The following DIS3L2 variants were observed in gnomAD, a reference collection of about 807,000 sequenced individuals.
DIS3L2 encodes the protein DIS3-like exonuclease 2.
DIS3L2 carries 34 observed loss-of-function variants against 97.5 expected under a neutral mutation model. The observed-to-expected ratio is 0.35, with a 90% CI of 0.27 to 0.46. The LOEUF (loss-of-function observed/expected upper bound fraction) is 0.46. DIS3L2 is among the 20% of genes least tolerant of loss of function. DIS3L2 has a pLI of 1.00. For synonymous variants in DIS3L2, 435 were observed against 445.2 expected, an observed-to-expected ratio of 0.98 and a Z score of 0.29; for missense variants, 1,038 against 1,146.0, an observed-to-expected ratio of 0.91 and a Z score of 1.36.
intron 14 of DIS3L2, 28 bp from the exon 15 acceptor site, chr2:232,329,785 T>TCCCGGGGGGAG: frequency 1.0e-6 from 1 of 967,144 alleles, no homozygotes; most frequent in East Asian, 3.1e-5. Flanking sequence ...ACCCCAGCGG[T>TCCCGGGGGGAG]CCCTCCCATC....
At position 232,081,486 on chromosome 2, in the gene DIS3L2, CTT is replaced by C. The variant is rs11314611; in HGVS notation, c.367-5991_367-5990del. Among the ~76,000 whole-genome samples, 513 of 149,290 alleles carry C rather than the reference CTT, an allele frequency of 3.4e-3. 1 individual carries two copies. Among genetic ancestry groups the C allele is most frequent in the Non-Finnish European group, 4.8e-3 (321 of 67,468 alleles). On this transcript the variant is annotated intron_variant, in intron 5 of 20. Transcript: ENST00000325385. ...ATGGCAAAATGGCGATACCGAAAGC[CTT>C]TTTTTTTTTCTTTCTTAATTTAATT...
chr2:232,305,608 A>G (rs1451018748), intron 14 of DIS3L2, among the ~76,000 whole-genome samples: 1 of 152,004 alleles, frequency 6.6e-6, no homozygotes, highest in Non-Finnish European at 1.5e-5. Context: ...TCTTGTGTCT[A>G]TTGACTCACT....
chr2:232,146,367 G>T (rs968408600), intron 8 of DIS3L2, among the ~76,000 whole-genome samples: 2 of 152,188 alleles, frequency 1.3e-5, no homozygotes, highest in Non-Finnish European at 2.9e-5. Flanking sequence ...ATAGTTTGTA[G>T]TAGGATGCTT....
At chr2:231,979,250 T>A (rs1693181245) in intron 1 of DIS3L2, among the ~76,000 whole-genome samples, 1 of 151,996 alleles carries the variant, frequency 6.6e-6, no homozygotes, top group Non-Finnish European at 1.5e-5. Flanking sequence ...TATTTATTTT[T>A]ATTTAATTTA....
intron 11 of DIS3L2, among the ~76,000 whole-genome samples, chr2:232,244,755 A>C (rs992881600): frequency 2.6e-5 from 4 of 152,196 alleles, no homozygotes; most frequent in Non-Finnish European, 5.9e-5. Context: ...AAGATTGGGA[A>C]GGCAGTCAGG....
intron 1 of DIS3L2, among the ~76,000 whole-genome samples, chr2:231,978,023 GT>G (rs1693148803): frequency 6.6e-6 from 1 of 152,168 alleles, no homozygotes; most frequent in Admixed American, 6.5e-5. Context: ...CGAGGTTTTT[GT>G]TAACTCCTAG....
At chr2:232,087,267 G>C (rs560439455) in intron 5 of DIS3L2, among the ~76,000 whole-genome samples, 1 of 152,254 alleles carries the variant, frequency 6.6e-6, no homozygotes, top group South Asian at 2.1e-4. Flanking sequence ...TTAATTTGGG[G>C]CATCCTGAAG....
At position 232,336,657 on chromosome 2, in the gene DIS3L2, CCCCGCCTGCCTGT is replaced by C. The variant is rs767731939; in HGVS notation, c.*34_*46del. ...CTCCACCAGCCGCCTGCCCCGCCTGCCCCGCCTGCCTGTCCCGCCACACTGGCTTTAGGACCTG... is the reference window on the plus strand; with the variant it reads ...CTCCACCAGCCGCCTGCCCCGCCTGCCCCGCCACACTGGCTTTAGGACCTG... On this transcript the variant is annotated 3_prime_UTR_variant, in exon 21 of 21. Coordinates refer to ENST00000325385, the MANE Select transcript of DIS3L2 (RefSeq NM_152383.5). 1.6e-4 allele frequency: 244 copies of C among 1,553,552 alleles called. No homozygotes were observed. The highest frequency in any genetic ancestry group is 2.0e-4 in the Non-Finnish European group (233 of 1,153,338).
At chr2:232,217,830 A>G (rs2106227696) in intron 10 of DIS3L2, among the ~76,000 whole-genome samples, 1 of 152,220 alleles carries the variant, frequency 6.6e-6, no homozygotes, top group East Asian at 1.9e-4. Context: ...ACCCTGTCCT[A>G]TTGGGCCTTT....
At chr2:231,966,450 GTGAGCCAC>G (rs1392200376) in intron 1 of DIS3L2, among the ~76,000 whole-genome samples, 1 of 150,742 alleles carries the variant, frequency 6.6e-6, no homozygotes, top group African/African-American at 2.4e-5. Context: ...GATTACAGAC[GTGAGCCAC>G]TGAGCCACTG....
intron 14 of DIS3L2, among the ~76,000 whole-genome samples, chr2:232,327,674 TGTGG>T (rs1311006029): frequency 1.3e-5 from 2 of 152,218 alleles, no homozygotes; most frequent in African/African-American, 2.4e-5. Context: ...TCAGTGTTCA[TGTGG>T]GGGACTGCAG....
intron 11 of DIS3L2, 89 bp downstream of exon 11, chr2:232,238,734 C>G: frequency 8.2e-7 from 1 of 1,217,366 alleles, no homozygotes. Flanking sequence ...ATTACATGTT[C>G]TCCGGAAAGA....
chr2:232,065,838 A>G (rs1435149697), intron 5 of DIS3L2, among the ~76,000 whole-genome samples: 1 of 151,848 alleles, frequency 6.6e-6, no homozygotes, highest in Non-Finnish European at 1.5e-5. Context: ...ATTTCTTTTG[A>G]CAGGATTTTG....
chr2:232,001,372 G>A (rs1294050427), intron 1 of DIS3L2, among the ~76,000 whole-genome samples: 1 of 151,958 alleles, frequency 6.6e-6, no homozygotes, highest in Non-Finnish European at 1.5e-5. Context: ...GTCTACCTAG[G>A]TCCTTTTCCC....
intron 6 of DIS3L2, among the ~76,000 whole-genome samples, chr2:232,102,406 A>G (rs976957453): frequency 1.3e-5 from 2 of 152,200 alleles, no homozygotes; most frequent in African/African-American, 4.8e-5. Context: ...ATTAGGTGAC[A>G]TTTTGGAATT....
At chr2:232,316,126 G>A (rs998065695) in intron 14 of DIS3L2, among the ~76,000 whole-genome samples, 8 of 152,114 alleles carry the variant, frequency 5.3e-5, no homozygotes, top group African/African-American at 9.7e-5. Flanking sequence ...CTGTGTGTTC[G>A]CGAGCCCTGG....
Position 232,312,829 on chromosome 2 carries a change from T to C in DIS3L2, c.1739+12710T>C, listed in dbSNP as rs373636589. 2.6e-5 allele frequency among the ~76,000 whole-genome samples: 4 copies of C among 152,376 alleles called. No individual in the cohort carries two copies. In the East Asian group the frequency reaches 7.7e-4, roughly 29 times the overall value. ...TTCATTGGATTTACTCCTAGGTATTTGATTTGTGGTACTATTTTAAATGGT... is the reference window on the plus strand; with the variant it reads ...TTCATTGGATTTACTCCTAGGTATTCGATTTGTGGTACTATTTTAAATGGT... On this transcript the variant is annotated intron_variant, in intron 14 of 20. Transcript: ENST00000325385.
rs757033831 is a variant in DIS3L2, at chr2:232,087,666, A to G, written c.546A>G (p.Thr182=). 1.2e-6 allele frequency: 2 copies of G among 1,614,222 alleles called. No homozygotes were observed. The highest frequency in any genetic ancestry group is 1.7e-6 in the Non-Finnish European group (2 of 1,180,048). ...GSDSEDGHGI[T]QNVLVDGVKK... ...ACTCAGAAGATGGACATGGCATCAC[A>G]CAAAATGTGCTGGTTGATGGTGTTA... Residue 182 remains threonine (T), a synonymous_variant, in exon 6 of 21, where the codon ACA becomes ACG. Transcript: ENST00000325385.
intron 8 of DIS3L2, among the ~76,000 whole-genome samples, chr2:232,159,689 G>A (rs1421610000): frequency 6.6e-6 from 1 of 152,122 alleles, no homozygotes; most frequent in East Asian, 1.9e-4. Context: ...TGAACACTTT[G>A]TCTTCTTTCT....
Sources: allele counts gnomAD v4.1 joint callset (sites outside exome capture counted in the v4.1 genomes callset), GRCh38; gene constraint gnomAD v4.1.1; transcripts MANE v1.5; gene names NCBI Gene and HGNC (gene_info 2026-07-23, HGNC 2026-07-21).